Variants in LRP1B observed in about 807,000 individuals in gnomAD.
The protein encoded by LRP1B is low-density lipoprotein receptor-related protein 1B.
In LRP1B, 217 loss-of-function variants were observed where a neutral mutation model predicts 556.6. The observed-to-expected ratio is 0.39, with a 90% CI of 0.35 to 0.44. LRP1B has a LOEUF of 0.44. Among genes scored for constraint, LRP1B ranks in the 20% least tolerant of loss-of-function variants. LRP1B has a pLI of 1.00. For synonymous variants in LRP1B, 2,047 were observed against 1,865.8 expected (o/e 1.10, Z -2.50); for missense variants, 5,053 against 5,620.8 (o/e 0.90, Z 3.23).
chr2:140,457,934 C>A (rs916580428), intron 60 of LRP1B, among the ~76,000 whole-genome samples: 11 of 151,960 alleles, frequency 7.2e-5, no homozygotes, highest in African/African-American at 2.7e-4. Flanking sequence ...CAAATACCAT[C>A]CACCATTTTA....
chr2:140,574,744 T>G (rs1681454788), intron 43 of LRP1B, among the ~76,000 whole-genome samples: 1 of 152,332 alleles, frequency 6.6e-6, no homozygotes, highest in Non-Finnish European at 1.5e-5. Flanking sequence ...TGTCAGATAA[T>G]AAAACCTTCT....
At chr2:140,955,942 A>G (rs1401885733) in intron 18 of LRP1B, among the ~76,000 whole-genome samples, 2 of 151,660 alleles carry the variant, frequency 1.3e-5, no homozygotes, top group Admixed American at 6.6e-5. Context: ...TGCCATAGGT[A>G]TGTTTGAGAT....
In LRP1B at chr2:141,480,350, T is replaced by C. The variant is rs192634057; in HGVS notation, c.343+46A>G. On this transcript the variant is annotated intron_variant, in intron 3 of 90. Coordinates refer to ENST00000389484, the MANE Select transcript of LRP1B (RefSeq NM_018557.3). The stretch of plus-strand genomic sequence containing the variant: ...GGTTTTCTTTGAACTTTCATTACTA[T>C]GTAAAATTTAATATTTCAGTTGCAT... The C allele has an allele frequency of 4.4e-6, 7 of 1,605,660 alleles. No individual in the cohort carries two copies. The East Asian group carries it at 6.7e-5, about 15-fold the overall frequency.
intron 2 of LRP1B, among the ~76,000 whole-genome samples, chr2:141,584,737 G>T (rs1254426051): frequency 1.3e-5 from 2 of 152,132 alleles, no homozygotes; most frequent in Non-Finnish European, 2.9e-5. Context: ...GCAAAATTCT[G>T]CAACATGGAT....
At chr2:142,092,755 T>C (rs1037507756) in intron 1 of LRP1B, among the ~76,000 whole-genome samples, 12 of 152,090 alleles carry the variant, frequency 7.9e-5, no homozygotes, top group African/African-American at 2.9e-4. Context: ...TTATATGAGA[T>C]GGTAAAATCT....
intron 3 of LRP1B, among the ~76,000 whole-genome samples, chr2:141,461,665 T>G (rs1181587205): frequency 6.6e-6 from 1 of 152,214 alleles, no homozygotes; most frequent in South Asian, 2.1e-4. Context: ...AACCATACTT[T>G]TGAAGACTGA....
chr2:140,528,884 G>A (rs907138516), intron 47 of LRP1B, among the ~76,000 whole-genome samples: 5 of 152,030 alleles, frequency 3.3e-5, no homozygotes, highest in African/African-American at 4.8e-5. Context: ...TCTTCACTTC[G>A]TTGTGGTCAG....
chr2:141,751,756 G>A (rs946174639), intron 2 of LRP1B, among the ~76,000 whole-genome samples: 11 of 150,378 alleles, frequency 7.3e-5, no homozygotes, highest in Non-Finnish European at 1.5e-4. Flanking sequence ...TTTAAGAAGA[G>A]AAAAAGGATT....
At chr2:140,590,289 T>A (rs1682164441) in intron 43 of LRP1B, among the ~76,000 whole-genome samples, 1 of 145,732 alleles carries the variant, frequency 6.9e-6, no homozygotes, top group South Asian at 2.1e-4. Context: ...TATCTATATA[T>A]GCATATATAA....
chr2:141,753,247 A>ACT (rs144673424), intron 2 of LRP1B, among the ~76,000 whole-genome samples: 6,018 of 48,838 alleles, frequency 0.12, 411 homozygotes, highest in East Asian at 0.25. Flanking sequence ...AAACACACAC[A>ACT]CTCTCTCTCT....
At chr2:141,316,853 A>G (rs1364624618) in intron 3 of LRP1B, among the ~76,000 whole-genome samples, 1 of 152,216 alleles carries the variant, frequency 6.6e-6, no homozygotes, top group East Asian at 1.9e-4. Context: ...AATTCATTGC[A>G]TTCCTAGGAA....
At chr2:141,898,951 C>A (rs1699536706) in intron 1 of LRP1B, among the ~76,000 whole-genome samples, 1 of 152,134 alleles carries the variant, frequency 6.6e-6, no homozygotes, top group Non-Finnish European at 1.5e-5. Context: ...TTGAAACCCA[C>A]TGTCCGACTG....
chr2:140,378,327 T>G, intron 67 of LRP1B, 41 bp from the exon 68 acceptor site: 2 of 1,077,146 alleles, frequency 1.9e-6, no homozygotes, highest in Non-Finnish European at 2.8e-6. Flanking sequence ...CTATTATATG[T>G]AAGTGCATTG....
intron 1 of LRP1B, among the ~76,000 whole-genome samples, chr2:141,872,524 A>G (rs1363475040): frequency 6.6e-6 from 1 of 151,962 alleles, no homozygotes; most frequent in Non-Finnish European, 1.5e-5. Flanking sequence ...AGAAAACAAA[A>G]GATAGAATTA....
At chr2:141,868,873 A>G (rs1262240561) in intron 1 of LRP1B, among the ~76,000 whole-genome samples, 3 of 152,268 alleles carry the variant, frequency 2.0e-5, no homozygotes, top group South Asian at 4.1e-4. Context: ...ACTGAGGCTC[A>G]TTTACAAAGT....
At chr2:140,954,697 A>G (rs2105306945) in intron 18 of LRP1B, among the ~76,000 whole-genome samples, 1 of 152,166 alleles carries the variant, frequency 6.6e-6, no homozygotes, top group East Asian at 1.9e-4. Flanking sequence ...AGTACATTCA[A>G]CCTCTAAGAA....
rs572449056 is a variant in LRP1B, at chr2:141,425,978, GA to G, written c.343+54417del. Among the ~76,000 whole-genome samples the G allele has an allele frequency of 3.4e-3, 505 of 150,642 alleles. 3 individuals are homozygous for G. Among genetic ancestry groups the G allele is most frequent in the Middle Eastern group, 0.021 (6 of 288 alleles). On this transcript the variant is annotated intron_variant, in intron 3 of 90. Transcript: ENST00000389484. ...TGTTGCCATTGCTTTTGGTGTTTTAGACATGAAGTCCTTGCCCATGCCTATG... is the reference window on the plus strand; with the variant it reads ...TGTTGCCATTGCTTTTGGTGTTTTAGCATGAAGTCCTTGCCCATGCCTATG...
rs374004477 is a variant in LRP1B, at chr2:140,647,798, G to A, written c.6800-46159C>T. Among the ~76,000 whole-genome samples the A allele has an allele frequency of 2.0e-4, 30 of 152,320 alleles. No homozygotes were observed. The East Asian group carries it at 5.8e-3, about 29-fold the overall frequency. ...AAAAATTCAGGAAACAACAGGTGCT[G>A]GAGAGGATGTATAGAAATAGGAACA... On this transcript the variant is annotated intron_variant, in intron 41 of 90. Coordinates refer to ENST00000389484, the MANE Select transcript of LRP1B (RefSeq NM_018557.3).
intron 2 of LRP1B, among the ~76,000 whole-genome samples, chr2:141,569,337 A>G (rs1271719185): frequency 6.6e-6 from 1 of 150,966 alleles, no homozygotes; most frequent in Non-Finnish European, 1.5e-5. Context: ...TAGAAATATA[A>G]AAAAAAGGGC....
Sources: gnomAD v4.1 joint callset for allele counts (sites outside exome capture counted in the v4.1 genomes callset) on GRCh38, gnomAD v4.1.1 for gene constraint, MANE v1.5 for transcripts, NCBI Gene and HGNC (gene_info 2026-07-23, HGNC 2026-07-21) for gene names.